ABCA4: variants seen among roughly 807,000 people sequenced by gnomAD.
The protein encoded by ABCA4 is retinal-specific phospholipid-transporting ATPase ABCA4.
Under a neutral mutation model 263.7 loss-of-function variants are expected in ABCA4, and 196 were observed. The observed-to-expected ratio is 0.74, with a 90% confidence interval of 0.66 to 0.84. The LOEUF (loss-of-function observed/expected upper bound fraction) is 0.84. Ranked by LOEUF, ABCA4 falls within the 40% of genes least tolerant of loss-of-function variation. The probability of loss-of-function intolerance (pLI) is 0.00; values close to 1 mark genes in which losing one functional copy is unlikely to be tolerated. For synonymous variants in ABCA4, 1,133 were observed against 1,094.2 expected (o/e 1.04, Z -0.70); for missense variants, 2,792 against 2,855.1 (o/e 0.98, Z 0.50).
intron 20 of ABCA4, 103 bp from the exon 21 acceptor site, chr1:94,043,578 C>A: frequency 6.8e-7 from 1 of 1,475,786 alleles, no homozygotes; most frequent in Non-Finnish European, 9.3e-7. Flanking sequence ...ATTTGGCAAT[C>A]AAGATGCTCA....
intron 6 of ABCA4, 68 bp downstream of exon 6, chr1:94,098,726 C>T: frequency 3.8e-6 from 6 of 1,569,946 alleles, no homozygotes; most frequent in Middle Eastern, 3.3e-4. Flanking sequence ...TCCCCAAGGT[C>T]AATTCGTGAG....
At chr1:94,023,521 A>C (rs1361097730) in intron 31 of ABCA4, 103 bp from the exon 32 acceptor site, 1 of 1,074,936 alleles carries the variant, frequency 9.3e-7, no homozygotes, top group Non-Finnish European at 1.4e-6. Flanking sequence ...CTCAGTCTTC[A>C]GGGGCATTTT....
At chr1:94,026,625 C>T (rs536913197) in intron 30 of ABCA4, among the ~76,000 whole-genome samples, 124 of 152,288 alleles carry the variant, frequency 8.1e-4, no homozygotes, top group African/African-American at 2.5e-3. Context: ...CTGCTGGCTG[C>T]GATAGCTTAT....
In ABCA4 at chr1:94,040,893, A is replaced by ATT. The variant is rs141755882; in HGVS notation, c.3522+314_3522+315dup. Among the ~76,000 whole-genome samples the ATT allele has an allele frequency of 4.0e-3, 615 of 152,310 alleles. 4 individuals carry two copies. The highest frequency in any genetic ancestry group is 0.014 in the African/African-American group (563 of 41,562). ...TTAATGTTGAAATGAAGCTCAACCA[A>ATT]TTGCTCTTAAAACAGCCTAACCTTA... On this transcript the variant is annotated intron_variant, in intron 23 of 49. Transcript: ENST00000370225.
chr1:94,021,896 C>T lies in ABCA4; in HGVS notation c.4723G>A (p.Ala1575Thr). The stretch of plus-strand genomic sequence containing the variant: ...AGGTCGCTTAAAAACCCAACAAGTG[C>T]TTCCCCCGTGATGGGGACGACTGGG... Reference protein sequence around the residue: ...KLPVVPITGEALVGFLSDLGR... With the variant: ...KLPVVPITGETLVGFLSDLGR... The change falls in exon 33 of 50, where the codon GCA (alanine) becomes ACA (threonine). Residue 1575 changes from alanine to threonine, a missense_variant. Physicochemically the swap from Ala to Thr is moderately conservative, Grantham distance 58. Coordinates refer to ENST00000370225, the MANE Select transcript of ABCA4 (RefSeq NM_000350.3). 6.2e-7 allele frequency: 1 copy of T among 1,614,204 alleles called. No individual in the cohort carries two copies. The highest frequency in any genetic ancestry group is 8.5e-7 in the Non-Finnish European group (1 of 1,180,042).
chr1:94,108,842 G>C, intron 3 of ABCA4, 126 bp from the exon 4 acceptor site: 1 of 1,185,510 alleles, frequency 8.4e-7, no homozygotes, highest in East Asian at 2.8e-5. Context: ...GCGTGATCTC[G>C]GCTCACTGCA....
chr1:94,109,795 C>G (rs1351927940), intron 3 of ABCA4, among the ~76,000 whole-genome samples: 1 of 152,204 alleles, frequency 6.6e-6, no homozygotes, highest in Non-Finnish European at 1.5e-5. Context: ...AGATTTCCTT[C>G]TGGGGTTTAA....
chr1:94,021,810 A>G lies in ABCA4; in HGVS notation c.4773+36T>C, dbSNP rs925233004. ...CTCATTCATGGTAGTTAAGCAAGTC[A>G]AAAATCCTACTCAAATCTCCAGTCT... On this transcript the variant is annotated intron_variant, in intron 33 of 49. Coordinates refer to ENST00000370225, the MANE Select transcript of ABCA4 (RefSeq NM_000350.3). 16 of 1,611,680 alleles carry G rather than the reference A, an allele frequency of 9.9e-6. No homozygotes were observed. The East Asian group carries it at 3.6e-4, about 36-fold the overall frequency.
rs533451778 is a variant in ABCA4 at position 94,047,079 on chromosome 1, G to A, written c.2758C>T (p.Arg920Cys). Residue 920 changes from arginine (R) to cysteine (C), a missense_variant, in exon 19 of 50, where the codon CGT (arginine) becomes TGT (cysteine). Arg to Cys is a radical substitution (Grantham distance 180). Transcript: ENST00000370225. Reference protein sequence around the residue: ...PEGIHDSFFEREHPGWVPGVC... With the variant: ...PEGIHDSFFECEHPGWVPGVC... ...CCAGGAACCCACCCTGGATGCTCACGTTCAAAGAAGGAGTCTTGGAGGAAA... is the reference window on the plus strand; with the variant it reads ...CCAGGAACCCACCCTGGATGCTCACATTCAAAGAAGGAGTCTTGGAGGAAA... 20 of 1,614,100 alleles carry A rather than the reference G, an allele frequency of 1.2e-5. No homozygotes were observed. The highest frequency in any genetic ancestry group is 1.1e-4 in the South Asian group (10 of 91,072).
At chr1:94,104,467 T>C (rs1323311143) in intron 4 of ABCA4, among the ~76,000 whole-genome samples, 1 of 152,224 alleles carries the variant, frequency 6.6e-6, no homozygotes, top group Non-Finnish European at 1.5e-5. Flanking sequence ...CCTGCCCCTG[T>C]GTGCTGGACA....
Position 94,051,712 on chromosome 1 carries a change from CAAAT to C in ABCA4, c.2588-18_2588-15del, listed in dbSNP as rs759736230. The C allele has an allele frequency of 6.2e-6, 10 of 1,603,118 alleles. No homozygotes were observed. The highest frequency in any genetic ancestry group is 3.3e-5 in the Admixed American group (2 of 59,968). On this transcript the variant is annotated splice_polypyrimidine_tract_variant and intron_variant, in intron 16 of 49. Coordinates refer to ENST00000370225, the MANE Select transcript of ABCA4 (RefSeq NM_000350.3). ...TTCCATAGTCTCCTAAAAATAGAGACAAATAAACAGAGAAAGTCGAAGGAGTCTC... is the reference window on the plus strand; with the variant it reads ...TTCCATAGTCTCCTAAAAATAGAGACAAACAGAGAAAGTCGAAGGAGTCTC...
At chr1:94,038,332 A>AAG (rs1660399141) in intron 24 of ABCA4, among the ~76,000 whole-genome samples, 1 of 152,224 alleles carries the variant, frequency 6.6e-6, no homozygotes. Flanking sequence ...CATGCACTTG[A>AAG]AGAGAGAGTT....
chr1:94,111,718 GC>G (rs1662610456), intron 2 of ABCA4, 139 bp from the exon 3 acceptor site: 7 of 1,061,410 alleles, frequency 6.6e-6, no homozygotes, highest in Non-Finnish European at 9.9e-6. Context: ...AGAAGCAGGA[GC>G]ATCTCATGTG....
intron 5 of ABCA4, among the ~76,000 whole-genome samples, chr1:94,102,471 A>G (rs1662309212): frequency 6.6e-6 from 1 of 151,896 alleles, no homozygotes; most frequent in Non-Finnish European, 1.5e-5. Context: ...CTCCTCAGGA[A>G]GGCCTTCCTG....
chr1:94,016,345 A>C (rs112856078), intron 36 of ABCA4, among the ~76,000 whole-genome samples: 223 of 152,336 alleles, frequency 1.5e-3, no homozygotes, highest in Non-Finnish European at 2.3e-3. Context: ...CAAGAACCAG[A>C]GACGGGCTTC....
chr1:94,021,323 C>G lies in ABCA4; in HGVS notation c.4935G>C (p.Lys1645Asn), dbSNP rs757217216. The change falls in exon 35 of 50, where the codon AAG (lysine) becomes AAC (asparagine). Residue 1645 changes from lysine (K) to asparagine (N), a missense_variant. Transcript: ENST00000370225. ...TTCCATACTCCTCGGGGCTCCTGTC[C>G]TTAGGCAGGCTGGCCCGTAAGATGG... ...HNAILRASLP[K>N]DRSPEEYGIT... 1.9e-6 allele frequency: 3 copies of G among 1,614,048 alleles called. No individual in the cohort carries two copies. The highest frequency in any genetic ancestry group is 2.5e-6 in the Non-Finnish European group (3 of 1,180,040).
intron 1 of ABCA4, among the ~76,000 whole-genome samples, chr1:94,119,436 G>A (rs1054933240): frequency 2.6e-5 from 4 of 152,148 alleles, no homozygotes; most frequent in Non-Finnish European, 4.4e-5. Context: ...TGGTTGAAGC[G>A]TGTCCCATGC....
intron 44 of ABCA4, among the ~76,000 whole-genome samples, chr1:94,002,520 CAG>C (rs1332388592): frequency 6.6e-6 from 1 of 152,232 alleles, no homozygotes; most frequent in East Asian, 1.9e-4. Context: ...TCAAAATAAA[CAG>C]AATACTGGCA....
intron 42 of ABCA4, 74 bp downstream of exon 42, chr1:94,008,161 C>A (rs1442441950): frequency 2.9e-6 from 4 of 1,376,206 alleles, no homozygotes; most frequent in Non-Finnish European, 4.1e-6. Context: ...AATAGCTCTG[C>A]CTTATGGGGA....
Sources: gnomAD v4.1 joint callset for allele counts (sites outside exome capture counted in the v4.1 genomes callset) on GRCh38, gnomAD v4.1.1 for gene constraint, MANE v1.5 for transcripts, NCBI Gene and HGNC (gene_info 2026-07-23, HGNC 2026-07-21) for gene names.